PTPRG: variants seen among roughly 807,000 people sequenced by gnomAD.
PTPRG encodes protein tyrosine phosphatase receptor type G.
PTPRG carries 102 observed loss-of-function variants against 165.3 expected under a neutral mutation model. The observed-to-expected ratio is 0.62, with a 90% CI of 0.53 to 0.73. The LOEUF is 0.73. PTPRG is among the 30% of genes least tolerant of loss of function. The pLI, the probability that PTPRG is intolerant of heterozygous loss-of-function variation, is 0.00. For synonymous variants in PTPRG, 675 were observed against 669.5 expected (o/e 1.01, Z -0.13); for missense variants, 1,866 against 1,861.4 (o/e 1.00, Z -0.05).
chr3:61,646,088 G>T (rs1215919999), intron 1 of PTPRG, among the ~76,000 whole-genome samples: 1 of 152,052 alleles, frequency 6.6e-6, no homozygotes, highest in East Asian at 1.9e-4. Context: ...GTTTGTTTTT[G>T]ATTCTCTGCA....
chr3:61,645,769 A>T (rs1559538199), intron 1 of PTPRG, among the ~76,000 whole-genome samples: 2 of 152,250 alleles, frequency 1.3e-5, no homozygotes, highest in Non-Finnish European at 2.9e-5. Context: ...GCAAATGAGC[A>T]TGGATGTGTT....
At chr3:61,696,800 A>G (rs553460538) in intron 1 of PTPRG, among the ~76,000 whole-genome samples, 2 of 152,230 alleles carry the variant, frequency 1.3e-5, no homozygotes, top group East Asian at 1.9e-4. Context: ...ATAACTTACC[A>G]TACGTATTTT....
chr3:61,810,714 G>C (rs550014990), intron 2 of PTPRG, among the ~76,000 whole-genome samples: 22 of 152,276 alleles, frequency 1.4e-4, no homozygotes, highest in South Asian at 4.1e-4. Context: ...CCCTACAATG[G>C]CCTTTGACAG....
chr3:62,133,487 A>G (rs903450819), intron 6 of PTPRG, among the ~76,000 whole-genome samples: 2 of 152,232 alleles, frequency 1.3e-5, no homozygotes, highest in Admixed American at 1.3e-4. Flanking sequence ...GACATTAGCC[A>G]ACTCCATAGA....
At chr3:62,106,903 A>G (rs1702493009) in intron 5 of PTPRG, among the ~76,000 whole-genome samples, 1 of 152,186 alleles carries the variant, frequency 6.6e-6, no homozygotes, top group African/African-American at 2.4e-5. Context: ...TATGGTTTCC[A>G]TAGGAAGAAT....
chr3:61,763,526 C>T (rs13096592), intron 2 of PTPRG, among the ~76,000 whole-genome samples: 151,152 of 151,158 alleles, frequency 1, 75,573 homozygotes, highest in Non-Finnish European at 1. Flanking sequence ...CTACCACGCC[C>T]AGCTAATTTT....
chr3:61,656,173 A>G (rs965667244), intron 1 of PTPRG, among the ~76,000 whole-genome samples: 4 of 152,126 alleles, frequency 2.6e-5, no homozygotes, highest in Admixed American at 2.0e-4. Context: ...TTGAAGCTGC[A>G]GTTAGCTATG....
intron 1 of PTPRG, among the ~76,000 whole-genome samples, chr3:61,582,932 A>C (rs1700336834): frequency 6.6e-6 from 1 of 152,232 alleles, no homozygotes; most frequent in East Asian, 1.9e-4. Context: ...TTCAGATCCC[A>C]AGTGTTCAGG....
At chr3:61,936,297 C>G (rs537455453) in intron 2 of PTPRG, among the ~76,000 whole-genome samples, 2 of 152,346 alleles carry the variant, frequency 1.3e-5, no homozygotes, top group South Asian at 4.1e-4. Context: ...GGTACTAGTT[C>G]TATCCTCTTT....
rs989827951 is a variant in PTPRG, at chr3:62,237,750, C to T, written c.2376-6057C>T. ...GCCATGCATACTTGCACATTGCTACCATCAGGGCTTCAGACACTGTACAGA... is the reference window on the plus strand; with the variant it reads ...GCCATGCATACTTGCACATTGCTACTATCAGGGCTTCAGACACTGTACAGA... On this transcript the variant is annotated intron_variant, in intron 14 of 29. Transcript: ENST00000474889. This position sits in a 1 kb window ranked among gnomAD's most constrained non-coding sequence, Gnocchi z 4.5. Among the ~76,000 whole-genome samples, 2 of 152,202 alleles carry T rather than the reference C, an allele frequency of 1.3e-5. No homozygotes were observed. Among genetic ancestry groups the T allele is most frequent in the African/African-American group, 4.8e-5 (2 of 41,448 alleles).
chr3:62,004,031 G>T (rs1250086061), intron 4 of PTPRG, among the ~76,000 whole-genome samples: 1 of 152,136 alleles, frequency 6.6e-6, no homozygotes, highest in Admixed American at 6.5e-5. Flanking sequence ...TCTTCTCAGT[G>T]ATCCATCCTG....
chr3:61,649,743 T>C (rs573799415), intron 1 of PTPRG, among the ~76,000 whole-genome samples: 2 of 152,348 alleles, frequency 1.3e-5, no homozygotes, highest in South Asian at 4.1e-4. Flanking sequence ...TTATATTACA[T>C]TGGCTCCTCT....
chr3:61,847,314 G>A (rs1028986179), intron 2 of PTPRG, among the ~76,000 whole-genome samples: 2 of 152,138 alleles, frequency 1.3e-5, no homozygotes, highest in South Asian at 2.1e-4. Context: ...GGAACCCCCC[G>A]AAGATTGCCA....
rs144678243 is a variant in PTPRG, at chr3:62,033,735, C to G, written c.519+30238C>G. ...TTTAGTAACAACTACCATGACTACT[C>G]TTTTGAGGTTTCCAGCAACCCTCAT... On this transcript the variant is annotated intron_variant, in intron 4 of 29. Transcript: ENST00000474889. Among the ~76,000 whole-genome samples the G allele has an allele frequency of 3.3e-3, 503 of 152,118 alleles. 1 individual carries two copies. Among genetic ancestry groups the G allele is most frequent in the African/African-American group, 0.011 (468 of 41,508 alleles).
intron 2 of PTPRG, among the ~76,000 whole-genome samples, chr3:61,913,518 C>T (rs1359100066): frequency 3.3e-5 from 5 of 152,138 alleles, no homozygotes; most frequent in African/African-American, 7.2e-5. Context: ...CGCACCCGGC[C>T]GAGGGACACC....
intron 8 of PTPRG, among the ~76,000 whole-genome samples, chr3:62,187,790 G>A (rs1048861767): frequency 2.6e-5 from 4 of 152,108 alleles, no homozygotes; most frequent in African/African-American, 9.7e-5. Flanking sequence ...TCTCTCATCA[G>A]ACTGCTCTTC....
At chr3:62,159,448 G>T (rs148123532) in intron 7 of PTPRG, among the ~76,000 whole-genome samples, 19 of 152,242 alleles carry the variant, frequency 1.2e-4, no homozygotes, top group Non-Finnish European at 2.8e-4. Flanking sequence ...GAGAAATAAG[G>T]ACCATTAACA....
In PTPRG at chr3:62,024,368, G is replaced by C. The variant is rs1418839534; in HGVS notation, c.519+20871G>C. On this transcript the variant is annotated intron_variant, in intron 4 of 29. Transcript: ENST00000474889. ...CCATGATATAATTATTTTGGCAATA[G>C]TGATAATGAAAGGTCACTATTTTGT... 2.6e-5 allele frequency among the ~76,000 whole-genome samples: 4 copies of C among 151,496 alleles called. No homozygotes were observed. In the East Asian group the frequency reaches 7.8e-4, roughly 29 times the overall value.
At chr3:62,159,423 C>A (rs940193123) in intron 7 of PTPRG, among the ~76,000 whole-genome samples, 1 of 152,076 alleles carries the variant, frequency 6.6e-6, no homozygotes, top group South Asian at 2.1e-4. Flanking sequence ...GGCAGAGAGT[C>A]GTTGATTAGC....
Sources: gnomAD v4.1 joint callset for allele counts (sites outside exome capture counted in the v4.1 genomes callset) on GRCh38, gnomAD v4.1.1 for gene constraint, Gnocchi (gnomAD v3.1) non-coding constraint, MANE v1.5 for transcripts, NCBI Gene and HGNC (gene_info 2026-07-23, HGNC 2026-07-21) for gene names.